Variants in DCLK1 observed in about 807,000 individuals in gnomAD.
DCLK1 encodes the protein doublecortin like kinase 1.
DCLK1 carries 16 observed loss-of-function variants against 86.2 expected under a neutral mutation model. The observed-to-expected ratio is 0.19, with a 90% CI of 0.13 to 0.28. The LOEUF is 0.28. DCLK1 is among the 10% of genes least tolerant of loss of function. DCLK1 has a pLI of 1.00. For synonymous variants in DCLK1, 369 were observed against 370.5 expected (o/e 1.00, Z 0.05); for missense variants, 590 against 940.2 (o/e 0.63, Z 4.87).
intron 3 of DCLK1, among the ~76,000 whole-genome samples, chr13:36,043,974 A>G (rs1882785256): frequency 6.6e-6 from 1 of 152,178 alleles, no homozygotes. Context: ...TCCCCTCCAA[A>G]TCTCATATTG....
At chr13:35,792,368 T>G (rs1254783762) in intron 16 of DCLK1, among the ~76,000 whole-genome samples, 1 of 151,992 alleles carries the variant, frequency 6.6e-6, no homozygotes, top group African/African-American at 2.4e-5. Flanking sequence ...TATCTTCAGT[T>G]TTTTTTTAGA....
intron 5 of DCLK1, 119 bp downstream of exon 5, chr13:35,871,105 A>C: frequency 1.2e-6 from 1 of 813,618 alleles, no homozygotes; most frequent in South Asian, 1.9e-5. Context: ...AGATGTTCTA[A>C]AATTATAAAC....
chr13:36,084,948 A>G (rs1884542171), intron 3 of DCLK1, among the ~76,000 whole-genome samples: 1 of 152,208 alleles, frequency 6.6e-6, no homozygotes, highest in Non-Finnish European at 1.5e-5. Flanking sequence ...AAAGTACTCC[A>G]TAAATATGTA....
At chr13:36,032,727 C>T (rs1246427546) in intron 3 of DCLK1, among the ~76,000 whole-genome samples, 5 of 152,154 alleles carry the variant, frequency 3.3e-5, no homozygotes, top group Non-Finnish European at 2.9e-5. Context: ...GCTCCTGCCC[C>T]GGGAGCGGCC....
intron 4 of DCLK1, among the ~76,000 whole-genome samples, chr13:35,914,354 T>TATATATATGTATATATATATATATAC (rs1566600270): frequency 2.6e-3 from 46 of 17,498 alleles, no homozygotes; most frequent in African/African-American, 8.6e-3. Context: ...TATATACATA[T>TATATATATGTATATATATATATATAC]ATATATATAT....
At chr13:35,925,625 T>G (rs1006140800) in intron 4 of DCLK1, among the ~76,000 whole-genome samples, 4 of 152,240 alleles carry the variant, frequency 2.6e-5, no homozygotes, top group Non-Finnish European at 5.9e-5. Flanking sequence ...AAGTTACTCA[T>G]GTCCATTTTC....
At chr13:36,033,946 C>T (rs1185022022) in intron 3 of DCLK1, among the ~76,000 whole-genome samples, 1 of 152,064 alleles carries the variant, frequency 6.6e-6, no homozygotes, top group Admixed American at 6.6e-5. Flanking sequence ...ATTTTGCAAA[C>T]AAATATGAAG....
At chr13:35,799,792 C>T (rs1157223365) in intron 15 of DCLK1, among the ~76,000 whole-genome samples, 2 of 151,956 alleles carry the variant, frequency 1.3e-5, no homozygotes, top group African/African-American at 4.8e-5. Flanking sequence ...TTATCATGAA[C>T]CTACATTTTC....
intron 4 of DCLK1, among the ~76,000 whole-genome samples, chr13:35,928,086 T>C (rs1379086963): frequency 3.3e-5 from 5 of 152,220 alleles, no homozygotes; most frequent in African/African-American, 1.2e-4. Flanking sequence ...AGTGCTTTCC[T>C]GGGTTCTGTA....
At chr13:35,887,628 C>T (rs1186220694) in intron 4 of DCLK1, among the ~76,000 whole-genome samples, 1 of 152,084 alleles carries the variant, frequency 6.6e-6, no homozygotes, top group African/African-American at 2.4e-5. Flanking sequence ...AACAAAACTT[C>T]TAGTTTCCTA....
At chr13:35,847,467 T>A in intron 6 of DCLK1, 1 of 985,138 alleles carries the variant, frequency 1.0e-6, no homozygotes, top group African/African-American at 1.7e-5. Flanking sequence ...CAAATTTACA[T>A]AAACACCCAA....
At chr13:36,108,858 G>A (rs1055239629) in intron 3 of DCLK1, among the ~76,000 whole-genome samples, 8 of 152,152 alleles carry the variant, frequency 5.3e-5, no homozygotes, top group African/African-American at 1.9e-4. Flanking sequence ...GCAGCATATG[G>A]ACCCCGATGC....
chr13:35,928,760 T>C (rs1333730108), intron 4 of DCLK1, among the ~76,000 whole-genome samples: 2 of 152,208 alleles, frequency 1.3e-5, no homozygotes, highest in South Asian at 2.1e-4. Flanking sequence ...CCTCTATGCA[T>C]GTATACACAT....
At position 35,943,563 on chromosome 13, in the gene DCLK1, G is replaced by A. The variant is rs374981709; in HGVS notation, c.823+3795C>T. On this transcript the variant is annotated intron_variant, in intron 4 of 16. Transcript: ENST00000360631. The stretch of plus-strand genomic sequence containing the variant: ...AGAAAAGATGAAAGAGAGGATGACA[G>A]GTATCTGGACTCCCGAGCACGCAGC... Among the ~76,000 whole-genome samples, 9 of 152,246 alleles carry A rather than the reference G, an allele frequency of 5.9e-5. No homozygotes were observed. The East Asian group carries it at 9.7e-4, about 16-fold the overall frequency.
intron 4 of DCLK1, among the ~76,000 whole-genome samples, chr13:35,899,885 G>T (rs1051121087): frequency 6.6e-6 from 1 of 152,090 alleles, no homozygotes; most frequent in Non-Finnish European, 1.5e-5. Context: ...AATACACGCT[G>T]TTTCTAAATT....
At chr13:35,854,724 G>T in intron 5 of DCLK1, 131 bp from the exon 6 acceptor site, 2 of 620,864 alleles carry the variant, frequency 3.2e-6, no homozygotes, top group Non-Finnish European at 4.9e-6. Flanking sequence ...CCTTCCATAT[G>T]TACACTGAGG....
At chr13:36,102,854 G>GT (rs1885263453) in intron 3 of DCLK1, among the ~76,000 whole-genome samples, 2 of 152,270 alleles carry the variant, frequency 1.3e-5, no homozygotes, top group African/African-American at 4.8e-5. Flanking sequence ...ACTATCAGCC[G>GT]TAAGTCAGAA....
At chr13:36,068,503 T>C (rs1225200708) in intron 3 of DCLK1, among the ~76,000 whole-genome samples, 1 of 152,162 alleles carries the variant, frequency 6.6e-6, no homozygotes, top group Non-Finnish European at 1.5e-5. Context: ...AATTAAATCC[T>C]TAGATTTAAC....
chr13:35,883,714 T>C (rs749345530), intron 4 of DCLK1, among the ~76,000 whole-genome samples: 1 of 152,132 alleles, frequency 6.6e-6, no homozygotes, highest in Non-Finnish European at 1.5e-5. Context: ...GATGGTGGCA[T>C]GGCCTAGGAT....
Sources: gnomAD v4.1 joint callset for allele counts (sites outside exome capture counted in the v4.1 genomes callset) on GRCh38, gnomAD v4.1.1 for gene constraint, MANE v1.5 for transcripts, NCBI Gene and HGNC (gene_info 2026-07-23, HGNC 2026-07-21) for gene names.